Variants in PHF21A observed in about 807,000 individuals in gnomAD.
PHF21A encodes the protein BHC80a.
Under a neutral mutation model 82.5 loss-of-function variants are expected in PHF21A, and 11 were observed. The observed-to-expected ratio is 0.13, with a 90% CI of 0.08 to 0.22. PHF21A has a LOEUF of 0.22. Among genes scored for constraint, PHF21A ranks in the 10% least tolerant of loss-of-function variants. PHF21A has a pLI of 1.00. For synonymous variants in PHF21A, 297 were observed against 302.8 expected, an observed-to-expected ratio of 0.98 and a Z score of 0.20; for missense variants, 579 against 837.8, an observed-to-expected ratio of 0.69 and a Z score of 3.81.
intron 15 of PHF21A, among the ~76,000 whole-genome samples, chr11:45,944,919 A>G (rs758618164): frequency 2.0e-5 from 3 of 152,186 alleles, no homozygotes; most frequent in Non-Finnish European, 2.9e-5. Flanking sequence ...GGAGCACGCC[A>G]TGCCCGGCTA....
chr11:46,042,086 T>C (rs11820849), intron 6 of PHF21A, among the ~76,000 whole-genome samples: 14,942 of 152,206 alleles, frequency 0.098, 899 homozygotes, highest in African/African-American at 0.17. Flanking sequence ...CCATTGTCTA[T>C]AGGAAGTTGA....
intron 9 of PHF21A, among the ~76,000 whole-genome samples, chr11:45,967,637 GT>G (rs1004375535): frequency 2.6e-5 from 4 of 152,226 alleles, no homozygotes; most frequent in African/African-American, 4.8e-5. Context: ...AGGGACTGCT[GT>G]ATGGACTCAT....
intron 6 of PHF21A, among the ~76,000 whole-genome samples, chr11:46,038,373 C>G (rs11038749): frequency 0.15 from 22,446 of 152,066 alleles, 3,469 homozygotes; most frequent in East Asian, 0.62. Flanking sequence ...AGTGATCCAC[C>G]CGCCTCAGCC....
intron 6 of PHF21A, among the ~76,000 whole-genome samples, chr11:46,067,005 A>C (rs1342796759): frequency 6.6e-6 from 1 of 152,092 alleles, no homozygotes; most frequent in Non-Finnish European, 1.5e-5. Context: ...TCAGTTAAGC[A>C]CCTCATTATT....
chr11:46,059,606 G>A (rs547514647), intron 6 of PHF21A, among the ~76,000 whole-genome samples: 1 of 152,030 alleles, frequency 6.6e-6, no homozygotes, highest in African/African-American at 2.4e-5. Flanking sequence ...TAAATTTTGT[G>A]TAGAGGTGGG....
At chr11:45,998,858 T>C (rs928524994) in intron 6 of PHF21A, among the ~76,000 whole-genome samples, 1 of 150,668 alleles carries the variant, frequency 6.6e-6, no homozygotes, top group Admixed American at 6.6e-5. Context: ...AGTCTCACTC[T>C]GTTGCCCAGG....
chr11:46,118,719 G>C (rs1231569238), intron 1 of PHF21A: 1 of 152,054 alleles, frequency 6.6e-6, no homozygotes, highest in African/African-American at 2.4e-5. Flanking sequence ...AAAGACAGAA[G>C]AAGAGAATAA....
intron 1 of PHF21A, among the ~76,000 whole-genome samples, chr11:46,096,427 C>T (rs1028822091): frequency 3.3e-5 from 5 of 152,130 alleles, no homozygotes; most frequent in African/African-American, 1.2e-4. Flanking sequence ...TGAACACAAC[C>T]CATTAGGGCC....
chr11:46,049,448 C>T, intron 6 of PHF21A: 1 of 456,184 alleles, frequency 2.2e-6, no homozygotes, highest in South Asian at 1.5e-5. Flanking sequence ...TATTCCTGTA[C>T]AGTGGCATCT....
At chr11:46,041,951 C>T (rs1362504206) in intron 6 of PHF21A, among the ~76,000 whole-genome samples, 1 of 152,052 alleles carries the variant, frequency 6.6e-6, no homozygotes, top group Non-Finnish European at 1.5e-5. Context: ...ACTATGAGAT[C>T]CTGGGGACAG....
chr11:46,080,143 T>C (rs1361456801), intron 4 of PHF21A, among the ~76,000 whole-genome samples: 1 of 152,094 alleles, frequency 6.6e-6, no homozygotes, highest in Non-Finnish European at 1.5e-5. Context: ...TTCTAAAATA[T>C]ACTATATATT....
chr11:45,935,325 T>A, intron 18 of PHF21A: 1 of 1,126,810 alleles, frequency 8.9e-7, no homozygotes. Context: ...CCACACACTG[T>A]CAGGAATACG....
chr11:45,937,833 A>G (rs2089445468), intron 16 of PHF21A, among the ~76,000 whole-genome samples: 1 of 152,194 alleles, frequency 6.6e-6, no homozygotes, highest in South Asian at 2.1e-4. Flanking sequence ...TTTCATTCCC[A>G]AAGAAGAGTT....
intron 6 of PHF21A, among the ~76,000 whole-genome samples, chr11:46,040,105 G>C (rs186430206): frequency 1.3e-5 from 2 of 152,318 alleles, no homozygotes; most frequent in African/African-American, 4.8e-5. Flanking sequence ...AACTGTGCCA[G>C]ATATAACAGG....
At chr11:46,097,009 A>G (rs969944085) in intron 1 of PHF21A, among the ~76,000 whole-genome samples, 1 of 151,978 alleles carries the variant, frequency 6.6e-6, no homozygotes, top group Admixed American at 6.6e-5. Context: ...ACCACACTCC[A>G]CATCTACTCC....
chr11:45,935,215 G>A (rs1177028714), intron 18 of PHF21A: 22 of 1,292,494 alleles, frequency 1.7e-5, no homozygotes, highest in Non-Finnish European at 2.2e-5. Flanking sequence ...AGCGAGGGAG[G>A]GCCGTACGGA....
Position 45,965,449 on chromosome 11 carries a change from C to T in PHF21A, c.862G>A (p.Val288Ile), listed in dbSNP as rs375962099. The change falls in exon 10 of 19, where the codon GTC becomes ATC. Residue 288 changes from valine to isoleucine, a missense_variant. By Grantham distance (29) the Val-to-Ile change is conservative (BLOSUM62 3). This residue lies in a region of PHF21A where 410 missense variants were observed against 642.1 expected (regional missense o/e 0.64). Transcript: ENST00000676320. ...SQNSIHPVRV[V>I]NGQTATIAKT... ...GCTATGGTTGCAGTCTGCCCATTGA[C>T]GACACGGACGGGGTGGATGGAATTC... The T allele has an allele frequency of 6.8e-6, 11 of 1,613,890 alleles. No individual in the cohort carries two copies. The highest frequency in any genetic ancestry group is 4.5e-5 in the East Asian group (2 of 44,882).
chr11:46,044,272 T>C (rs1195797428), intron 6 of PHF21A, among the ~76,000 whole-genome samples: 4 of 152,038 alleles, frequency 2.6e-5, no homozygotes, highest in Non-Finnish European at 4.4e-5. Flanking sequence ...TGAGAATACA[T>C]TATTAAACCA....
intron 4 of PHF21A, chr11:46,083,510 A>G (rs1320854655): frequency 6.6e-6 from 1 of 152,208 alleles, no homozygotes; most frequent in African/African-American, 2.4e-5. Context: ...AATTGTTACA[A>G]ATTCAAAAGT....
Sources: allele counts gnomAD v4.1 joint callset (sites outside exome capture counted in the v4.1 genomes callset), GRCh38; gene constraint gnomAD v4.1.1; regional missense constraint gnomAD v4.1.1; transcripts MANE v1.5; gene names NCBI Gene and HGNC (gene_info 2026-07-23, HGNC 2026-07-21).